PKP4: variants seen among roughly 807,000 people sequenced by gnomAD.
The protein encoded by PKP4 is plakophilin 4, also known as plakophilin-4.
A neutral mutation model predicts 145.1 loss-of-function variants in PKP4; 90 were observed. The observed-to-expected ratio is 0.62, with a 90% CI of 0.52 to 0.74. The LOEUF (loss-of-function observed/expected upper bound fraction) is 0.74. Ranked by LOEUF, PKP4 falls within the 30% of genes least tolerant of loss-of-function variation. The probability of loss-of-function intolerance (pLI) is 0.00; values close to 1 mark genes in which losing one functional copy is unlikely to be tolerated. For synonymous variants in PKP4, 563 were observed against 577.2 expected (o/e 0.98, Z 0.35); for missense variants, 1,340 against 1,482.7 (o/e 0.90, Z 1.58).
Position 158,577,380 on chromosome 2 carries a change from C to G in PKP4, c.242C>G (p.Thr81Ser). ...GCAGAATCACCAAGCATCGCCAGCA[C>G]CAGGTACAGGGCCAATGGCTCCATC... ...LGAESPSIAS[T>S]SSTEKSFPWR... Residue 81 changes from threonine (T) to serine (S), a missense_variant, in exon 3 of 22, where the codon ACC becomes AGC. Physicochemically the swap from Thr to Ser is moderately conservative, Grantham distance 58. Coordinates refer to ENST00000389759, the MANE Select transcript of PKP4 (RefSeq NM_003628.6). 6.2e-7 allele frequency: 1 copy of G among 1,604,326 alleles called. No individual in the cohort carries two copies. The highest frequency in any genetic ancestry group is 1.1e-5 in the South Asian group (1 of 90,548).
At chr2:158,519,674 A>G (rs1012719512) in intron 1 of PKP4, among the ~76,000 whole-genome samples, 3 of 152,148 alleles carry the variant, frequency 2.0e-5, no homozygotes, top group African/African-American at 4.8e-5. Context: ...TCTTTCTGAC[A>G]TTTTGGCACG....
At chr2:158,496,790 G>GTGTC (rs1553545781) in intron 1 of PKP4, among the ~76,000 whole-genome samples, 18 of 150,072 alleles carry the variant, frequency 1.2e-4, no homozygotes, top group African/African-American at 3.2e-4. Context: ...GTGTGTGTGT[G>GTGTC]TGTGTCTGTG....
intron 2 of PKP4, among the ~76,000 whole-genome samples, chr2:158,539,948 G>A (rs2044370760): frequency 6.6e-6 from 1 of 152,126 alleles, no homozygotes. Flanking sequence ...AAGCGTCCCT[G>A]TGATTAAAGA....
chr2:158,616,551 A>C (rs2051640957), intron 4 of PKP4, among the ~76,000 whole-genome samples: 1 of 152,198 alleles, frequency 6.6e-6, no homozygotes, highest in Non-Finnish European at 1.5e-5. Flanking sequence ...GAGTTGGAAG[A>C]AACCGTCAAG....
At chr2:158,533,140 C>T (rs374817699) in intron 1 of PKP4, 40 bp from the exon 2 acceptor site, 202 of 1,556,628 alleles carry the variant, frequency 1.3e-4, no homozygotes, top group Non-Finnish European at 1.6e-4. Flanking sequence ...TGCAAGGGAG[C>T]CCAGAAGAAA....
chr2:158,564,733 C>T (rs2046832194), intron 2 of PKP4, among the ~76,000 whole-genome samples: 1 of 152,088 alleles, frequency 6.6e-6, no homozygotes, highest in African/African-American at 2.4e-5. Flanking sequence ...TTTTTCCTTA[C>T]TAATGAAAGT....
At chr2:158,499,306 G>T (rs994632483) in intron 1 of PKP4, among the ~76,000 whole-genome samples, 7 of 152,072 alleles carry the variant, frequency 4.6e-5, no homozygotes, top group African/African-American at 1.7e-4. Flanking sequence ...ACAAAAGTGG[G>T]TTCAGCATCC....
Position 158,621,019 on chromosome 2 carries a change from A to G in PKP4, c.310A>G (p.Arg104Gly), listed in dbSNP as rs1173225305. 1 of 1,614,112 alleles carries G rather than the reference A, an allele frequency of 6.2e-7. No homozygotes were observed. ...DVPNTGVSKP[R>G]VSDAVQPNNY... ...GCCAAATACTGGTGTAAGCAAACCT[A>G]GAGTTTCTGACGCTGTCCAGCCCAA... The change falls in exon 5 of 22, where the codon AGA (arginine) becomes GGA (glycine). Residue 104 changes from arginine (R) to glycine (G), a missense_variant. Transcript: ENST00000389759.
At chr2:158,535,283 C>T (rs914020370) in intron 2 of PKP4, among the ~76,000 whole-genome samples, 1 of 152,122 alleles carries the variant, frequency 6.6e-6, no homozygotes, top group Admixed American at 6.6e-5. Flanking sequence ...TACCATTCAC[C>T]TTATATGTTT....
intron 1 of PKP4, among the ~76,000 whole-genome samples, chr2:158,529,580 T>C (rs1013803998): frequency 6.6e-6 from 1 of 152,190 alleles, no homozygotes; most frequent in Non-Finnish European, 1.5e-5. Flanking sequence ...CCAAGGAGCC[T>C]GAAGGAAAAT....
chr2:158,568,614 G>A (rs760669911), intron 2 of PKP4, among the ~76,000 whole-genome samples: 3 of 152,198 alleles, frequency 2.0e-5, no homozygotes, highest in Non-Finnish European at 4.4e-5. Context: ...GGACCCGTGT[G>A]ATGGTCATAT....
chr2:158,644,275 GA>G (rs1203349102), intron 11 of PKP4, among the ~76,000 whole-genome samples: 2 of 152,220 alleles, frequency 1.3e-5, no homozygotes, highest in Non-Finnish European at 2.9e-5. Flanking sequence ...TGAAAAGGAA[GA>G]GTGGGGTGGA....
At chr2:158,633,209 C>A (rs921391145) in intron 8 of PKP4, among the ~76,000 whole-genome samples, 1 of 152,218 alleles carries the variant, frequency 6.6e-6, no homozygotes, top group South Asian at 2.1e-4. Context: ...GCAGATGGTA[C>A]TGAACCCTGT....
In PKP4 at chr2:158,459,788, A is replaced by ATC. The variant is rs573347626; in HGVS notation, c.-6+2571_-6+2572dup. On this transcript the variant is annotated intron_variant, in intron 1 of 21. Transcript: ENST00000389759. ...TTGAAAACCCTGTTCAGATGTATGGATCACACACACACACACACACACACG... is the reference window on the plus strand; with the variant it reads ...TTGAAAACCCTGTTCAGATGTATGGATCTCACACACACACACACACACACACG... Among the ~76,000 whole-genome samples, 460 of 119,600 alleles carry ATC rather than the reference A, an allele frequency of 3.8e-3. 2 individuals are homozygous for ATC. Among genetic ancestry groups the ATC allele is most frequent in the Middle Eastern group, 7.3e-3 (2 of 274 alleles). 78.5% of individuals were successfully genotyped at this position (119,600 alleles called of 152,430 possible).
At chr2:158,652,603 G>A (rs144412936) in intron 11 of PKP4, among the ~76,000 whole-genome samples, 369 of 152,324 alleles carry the variant, frequency 2.4e-3, no homozygotes, top group Non-Finnish European at 4.2e-3. Context: ...GGCAAGGGCC[G>A]TGATACAATC....
At chr2:158,669,962 T>C (rs765883832) in intron 17 of PKP4, 47 bp downstream of exon 17, 4 of 1,480,814 alleles carry the variant, frequency 2.7e-6, no homozygotes, top group Non-Finnish European at 3.7e-6. Context: ...ATTCCTGAGA[T>C]TGTCCTGTGA....
intron 11 of PKP4, among the ~76,000 whole-genome samples, chr2:158,657,475 C>T (rs927697525): frequency 2.6e-5 from 4 of 152,232 alleles, no homozygotes; most frequent in East Asian, 1.9e-4. Flanking sequence ...ATGACAGTAA[C>T]GTGTGTTTCT....
intron 1 of PKP4, among the ~76,000 whole-genome samples, chr2:158,518,217 C>T (rs1027409877): frequency 6.6e-6 from 1 of 152,180 alleles, no homozygotes; most frequent in Admixed American, 6.5e-5. Flanking sequence ...GGTCTTGGCT[C>T]GAATGGCTGT....
intron 1 of PKP4, among the ~76,000 whole-genome samples, chr2:158,524,469 G>C (rs2042752099): frequency 8.2e-6 from 1 of 122,674 alleles, no homozygotes; most frequent in Non-Finnish European, 1.7e-5. Flanking sequence ...CCCTAAAAGA[G>C]CTCCTGAAGG....
Sources: gnomAD v4.1 joint callset for allele counts (sites outside exome capture counted in the v4.1 genomes callset) on GRCh38, gnomAD v4.1.1 for gene constraint, MANE v1.5 for transcripts, NCBI Gene and HGNC (gene_info 2026-07-23, HGNC 2026-07-21) for gene names.